Variants in PRDM1 observed in about 807,000 individuals in gnomAD.
PRDM1 encodes PR domain zinc finger protein 1.
PRDM1 carries 13 observed loss-of-function variants against 62.8 expected under a neutral mutation model. The observed-to-expected ratio is 0.21, with a 90% confidence interval of 0.13 to 0.33. PRDM1 has a LOEUF of 0.33. Among genes scored for constraint, PRDM1 ranks in the 10% least tolerant of loss-of-function variants. PRDM1 has a pLI of 1.00. For missense variants in PRDM1, 895 were observed against 1,058.8 expected, an observed-to-expected ratio of 0.85 and a Z score of 2.15; for synonymous variants, 396 against 417.6, an observed-to-expected ratio of 0.95 and a Z score of 0.63.
chr6:106,061,080 C>A (rs1034623462), intron 1 of PRDM1, among the ~76,000 whole-genome samples: 1 of 152,228 alleles, frequency 6.6e-6, no homozygotes, highest in Non-Finnish European at 1.5e-5. Context: ...TCCCCTGCTT[C>A]TCTTTCCGGT....
intron 1 of PRDM1, among the ~76,000 whole-genome samples, chr6:106,057,095 C>A (rs1051831952): frequency 6.6e-6 from 1 of 152,160 alleles, no homozygotes; most frequent in Non-Finnish European, 1.5e-5. Flanking sequence ...TTTGTATTTC[C>A]TGTTTTAATT....
intron 1 of PRDM1, among the ~76,000 whole-genome samples, chr6:106,008,017 A>G (rs896669745): frequency 1.1e-4 from 17 of 152,202 alleles, no homozygotes; most frequent in African/African-American, 3.9e-4. Context: ...ATGGCTTTAC[A>G]TCATGTGCAG....
chr6:106,086,336 AAC>A lies in PRDM1; in HGVS notation c.-214_-213del, dbSNP rs1773802356. ...AGCAGGGAGGGGAAGCCAGACGGTT[AAC>A]ACAGACAAAGTGCTGCCGTGACACT... On this transcript the variant is annotated 5_prime_UTR_variant, in exon 1 of 7. Coordinates refer to ENST00000369096, the MANE Select transcript of PRDM1 (RefSeq NM_001198.4). 4.1e-6 allele frequency: 2 copies of A among 488,828 alleles called. No individual in the cohort carries two copies. The highest frequency in any genetic ancestry group is 3.7e-6 in the Non-Finnish European group (1 of 273,654). 30.3% of individuals were successfully genotyped at this position (488,828 alleles called of 1,614,324 possible). A position where few individuals can be genotyped will look rare whatever the true frequency, so the allele number is the denominator to read the frequency against.
At chr6:106,077,092 T>C (rs529515186) in intron 1 of PRDM1, among the ~76,000 whole-genome samples, 1 of 152,244 alleles carries the variant, frequency 6.6e-6, no homozygotes, top group Non-Finnish European at 1.5e-5. Flanking sequence ...AACATCTTAA[T>C]GTCTGTGGCT....
intron 1 of PRDM1, among the ~76,000 whole-genome samples, chr6:106,026,888 C>T (rs887948815): frequency 6.6e-6 from 1 of 152,144 alleles, no homozygotes; most frequent in African/African-American, 2.4e-5. Flanking sequence ...CAGGAAGCAG[C>T]GCTAAATCTA....
chr6:106,103,974 G>A (rs562001869), intron 4 of PRDM1, among the ~76,000 whole-genome samples: 5 of 152,274 alleles, frequency 3.3e-5, no homozygotes, highest in Admixed American at 6.5e-5. Flanking sequence ...TATTCACTTC[G>A]CTAAGCTCCT....
chr6:105,994,191 ACT>A lies in PRDM1; in HGVS notation c.-67+553_-67+554del, dbSNP rs1772318198. On this transcript the variant is annotated intron_variant, in intron 1 of 6. Coordinates refer to the PRDM1 transcript ENST00000652320. This position sits in a 1 kb window ranked among gnomAD's most constrained non-coding sequence, Gnocchi z 4.1. ...GTGCCGCGCTGGGGACGCCGCATCT[ACT>A]GAGCGGTCGCCGAAGACGCCGGGAG... Among the ~76,000 whole-genome samples, 1 of 151,892 alleles carries A rather than the reference ACT, an allele frequency of 6.6e-6. No homozygotes were observed. Among genetic ancestry groups the A allele is most frequent in the Non-Finnish European group, 1.5e-5 (1 of 67,976 alleles).
chr6:106,060,250 G>T (rs927051471), intron 1 of PRDM1, among the ~76,000 whole-genome samples: 3 of 152,196 alleles, frequency 2.0e-5, no homozygotes, highest in Non-Finnish European at 4.4e-5. Flanking sequence ...AAACAGGAGA[G>T]TGGAATAGTC....
intron 1 of PRDM1, among the ~76,000 whole-genome samples, chr6:106,033,758 C>T (rs578202870): frequency 1.3e-5 from 2 of 151,990 alleles, no homozygotes; most frequent in South Asian, 4.2e-4. Flanking sequence ...TGGCCTCATA[C>T]AATGAGTAAA....
upstream of PRDM1, among the ~76,000 whole-genome samples, chr6:105,993,068 G>A (rs572797925): frequency 3.3e-5 from 5 of 152,312 alleles, no homozygotes; most frequent in African/African-American, 1.2e-4. Context: ...TGGTAGAGGG[G>A]GCCCGTGAGT....
At chr6:106,072,734 C>T (rs187578288) in intron 1 of PRDM1, among the ~76,000 whole-genome samples, 11 of 152,276 alleles carry the variant, frequency 7.2e-5, no homozygotes, top group African/African-American at 1.9e-4. Context: ...TCATGAGCCC[C>T]GGGTAAATGA....
chr6:106,001,161 G>A (rs1315921613), intron 1 of PRDM1, among the ~76,000 whole-genome samples: 1 of 152,070 alleles, frequency 6.6e-6, no homozygotes, highest in East Asian at 1.9e-4. Flanking sequence ...TTCACTGTTG[G>A]ACACCTGGTT....
intron 1 of PRDM1, among the ~76,000 whole-genome samples, chr6:106,019,403 A>T (rs997144476): frequency 1.3e-5 from 2 of 151,724 alleles, no homozygotes; most frequent in African/African-American, 4.8e-5. Flanking sequence ...TGAAATATAG[A>T]TCGCTCATAC....
intron 1 of PRDM1, among the ~76,000 whole-genome samples, chr6:106,002,775 C>CTG (rs770656422): frequency 6.6e-6 from 1 of 152,154 alleles, no homozygotes; most frequent in African/African-American, 2.4e-5. Flanking sequence ...CCTAGATACT[C>CTG]TGTGTTTACC....
intron 1 of PRDM1, among the ~76,000 whole-genome samples, chr6:106,077,284 A>G (rs1264182147): frequency 6.6e-6 from 1 of 152,180 alleles, no homozygotes; most frequent in African/African-American, 2.4e-5. Context: ...TCACACCACC[A>G]GGCACTGTGC....
At chr6:106,067,929 A>G (rs2114598438) in intron 1 of PRDM1, among the ~76,000 whole-genome samples, 1 of 152,342 alleles carries the variant, frequency 6.6e-6, no homozygotes, top group South Asian at 2.1e-4. Flanking sequence ...AATTTAGAAT[A>G]TCTTCAGCAA....
At chr6:106,072,996 G>C (rs1773543471) in intron 1 of PRDM1, among the ~76,000 whole-genome samples, 6 of 152,040 alleles carry the variant, frequency 3.9e-5, no homozygotes, top group Admixed American at 3.9e-4. Context: ...TCTTCACCAT[G>C]TGGCAATTAA....
intron 1 of PRDM1, among the ~76,000 whole-genome samples, chr6:106,070,595 TA>T (rs5878866): frequency 0.41 from 62,713 of 151,988 alleles, 13,653 homozygotes; most frequent in East Asian, 0.68. Flanking sequence ...TCAAAGGTTA[TA>T]AATCTCTAAG....
At chr6:106,029,099 T>G (rs964288162) in intron 1 of PRDM1, among the ~76,000 whole-genome samples, 1 of 152,042 alleles carries the variant, frequency 6.6e-6, no homozygotes, top group African/African-American at 2.4e-5. Context: ...TTTTGTATAT[T>G]TAGTAGAGAC....
Sources: gnomAD v4.1 joint callset for allele counts (sites outside exome capture counted in the v4.1 genomes callset) on GRCh38, gnomAD v4.1.1 for gene constraint, Gnocchi (gnomAD v3.1) non-coding constraint, MANE v1.5 for transcripts, NCBI Gene and HGNC (gene_info 2026-07-23, HGNC 2026-07-21) for gene names.